CNIH3: variants seen among roughly 807,000 people sequenced by gnomAD.
CNIH3 encodes the protein cornichon family AMPA receptor auxiliary protein 3.
A neutral mutation model predicts 24.1 loss-of-function variants in CNIH3; 14 were observed. The ratio of observed to expected loss-of-function variants is 0.58; its 90% confidence interval spans 0.38 to 0.91. The LOEUF (loss-of-function observed/expected upper bound fraction) is 0.91, where lower values mean the gene tolerates loss of function less well. Among genes scored for constraint, CNIH3 ranks in the 40% least tolerant of loss-of-function variants. The pLI, the probability that CNIH3 is intolerant of heterozygous loss-of-function variation, is 0.00. For synonymous variants in CNIH3, 68 were observed against 73.8 expected, an observed-to-expected ratio of 0.92 and a Z score of 0.40; for missense variants, 178 against 196.8, an observed-to-expected ratio of 0.90 and a Z score of 0.57.
downstream of CNIH3, among the ~76,000 whole-genome samples, chr1:224,593,418 A>C (rs1419171133): frequency 1.3e-5 from 2 of 152,200 alleles, no homozygotes; most frequent in Non-Finnish European, 2.9e-5. Flanking sequence ...TCAGGTCATT[A>C]CTACTACACA....
chr1:224,654,921 A>G lies in CNIH3; in HGVS notation c.82-26037A>G, dbSNP rs6701223. On this transcript the variant is annotated intron_variant, in intron 1 of 5. Transcript: ENST00000272133. ...ATATCCAGAGTATTTAGGAAATGCA[A>G]CTTGACCTAACCTTCAGGTCTCTCT... 5.7e-3 allele frequency among the ~76,000 whole-genome samples: 861 copies of G among 152,326 alleles called. 14 individuals are homozygous for G. The highest frequency in any genetic ancestry group is 0.02 in the African/African-American group (811 of 41,572).
intron 1 of CNIH3, among the ~76,000 whole-genome samples, chr1:224,642,572 C>A (rs1684412750): frequency 2.0e-5 from 3 of 152,100 alleles, no homozygotes; most frequent in Admixed American, 1.3e-4. Context: ...GAAGCGGAGG[C>A]ACAGGGAGTA....
At chr1:224,719,183 T>C (rs1188201194) in intron 3 of CNIH3, 1 of 152,244 alleles carries the variant, frequency 6.6e-6, no homozygotes, top group African/African-American at 2.4e-5. Flanking sequence ...AACAATTTTA[T>C]GGAGAGAGAC....
chr1:224,505,517 C>T (rs1013399013), intron 1 of CNIH3, among the ~76,000 whole-genome samples: 1 of 152,104 alleles, frequency 6.6e-6, no homozygotes, highest in Non-Finnish European at 1.5e-5. Flanking sequence ...ATTTTTGCAT[C>T]ATGCTGAAAA....
At chr1:224,486,846 C>T (rs922372786) in intron 1 of CNIH3, among the ~76,000 whole-genome samples, 2 of 152,170 alleles carry the variant, frequency 1.3e-5, no homozygotes, top group East Asian at 1.9e-4. Flanking sequence ...ACAGTACTAA[C>T]GCAATAAGTG....
chr1:224,679,382 T>G (rs1484631179), intron 1 of CNIH3, among the ~76,000 whole-genome samples: 1 of 152,062 alleles, frequency 6.6e-6, no homozygotes, highest in African/African-American at 2.4e-5. Flanking sequence ...AACCAAAACA[T>G]TCTTAGCTCA....
Position 224,580,451 on chromosome 1 carries a change from T to A in CNIH3, n.517-2713T>A, listed in dbSNP as rs562358727. Among the ~76,000 whole-genome samples the A allele has an allele frequency of 5.3e-5, 8 of 152,208 alleles. 1 individual carries two copies. The highest frequency in any genetic ancestry group is 5.2e-4 in the Admixed American group (8 of 15,292). The stretch of plus-strand genomic sequence containing the variant: ...TAGCCTGTGCTTTTTCTGAAGAGGA[T>A]TTCAAGGGCTTCAATATTTAAAGCG... On this transcript the variant is annotated intron_variant and non_coding_transcript_variant, in intron 4 of 5. Coordinates refer to the CNIH3 transcript ENST00000471578.
At position 224,728,018 on chromosome 1, in the gene CNIH3, TC is replaced by T. The variant is rs746139705; in HGVS notation, c.199-2443del. Among the ~76,000 whole-genome samples, 38 of 152,106 alleles carry T rather than the reference TC, an allele frequency of 2.5e-4. No individual in the cohort carries two copies. In the East Asian group the frequency reaches 3.3e-3, roughly 13 times the overall value. On this transcript the variant is annotated intron_variant, in intron 3 of 5. Transcript: ENST00000272133. ...GGAAGGTTGCAGCCTCCACAATAAA[TC>T]AAGCCCCAAAGAGAGAAGAAGCAGT... is the stretch of plus-strand genomic sequence containing the variant.
chr1:224,500,890 G>A (rs1677628833), intron 1 of CNIH3, among the ~76,000 whole-genome samples: 1 of 152,054 alleles, frequency 6.6e-6, no homozygotes, highest in African/African-American at 2.4e-5. Context: ...TGCTAGGATG[G>A]AAGAAGGGGG....
intron 1 of CNIH3, among the ~76,000 whole-genome samples, chr1:224,623,348 G>T (rs556567695): frequency 2.6e-5 from 4 of 152,014 alleles, no homozygotes; most frequent in Non-Finnish European, 5.9e-5. Context: ...GTTTCCTGTC[G>T]CTCCTGTAGT....
intron 2 of CNIH3, among the ~76,000 whole-genome samples, chr1:224,524,754 T>G (rs1678778166): frequency 6.6e-6 from 1 of 152,232 alleles, no homozygotes; most frequent in African/African-American, 2.4e-5. Flanking sequence ...TTTCTTCCTC[T>G]TATGATAATA....
At chr1:224,606,042 G>T (rs955029662) in intron 3 of CNIH3, among the ~76,000 whole-genome samples, 2 of 152,226 alleles carry the variant, frequency 1.3e-5, no homozygotes, top group African/African-American at 2.4e-5. Context: ...AGGGGAACAT[G>T]TAGGTGAGTG....
chr1:224,444,546 C>T (rs1021845421), intron 1 of CNIH3, among the ~76,000 whole-genome samples: 36 of 151,982 alleles, frequency 2.4e-4, no homozygotes, highest in African/African-American at 6.8e-4. Context: ...GGCGGGGTTT[C>T]ACCATATTGG....
chr1:224,481,856 G>C (rs1676827000), intron 1 of CNIH3, among the ~76,000 whole-genome samples: 1 of 152,218 alleles, frequency 6.6e-6, no homozygotes, highest in African/African-American at 2.4e-5. Flanking sequence ...GTTCCCTTGG[G>C]CCTTGGATGG....
chr1:224,615,902 T>C (rs996346798), upstream of CNIH3, among the ~76,000 whole-genome samples: 2 of 152,030 alleles, frequency 1.3e-5, no homozygotes, highest in African/African-American at 4.8e-5. Context: ...CAACCAACAC[T>C]AGGCAACGCC....
rs1688832280 is a variant in CNIH3, at chr1:224,723,252, T to A, written c.199-7210T>A. 2.6e-5 allele frequency among the ~76,000 whole-genome samples: 4 copies of A among 152,042 alleles called. No homozygotes were observed. In the South Asian group the frequency reaches 8.3e-4, roughly 32 times the overall value. ...TGCTGATGTGTCAGGCACAGCTAAG[T>A]CCCAACAGGGGCCTCTGGGCCATCA... On this transcript the variant is annotated intron_variant, in intron 3 of 5. Transcript: ENST00000272133.
At chr1:224,503,636 C>A (rs1028228466) in intron 1 of CNIH3, among the ~76,000 whole-genome samples, 4 of 152,186 alleles carry the variant, frequency 2.6e-5, no homozygotes, top group South Asian at 4.1e-4. Context: ...CCTCACACAA[C>A]CCTGGCAACC....
intron 3 of CNIH3, among the ~76,000 whole-genome samples, chr1:224,694,845 C>G (rs540793756): frequency 7.3e-4 from 111 of 152,128 alleles, no homozygotes; most frequent in African/African-American, 2.5e-3. Flanking sequence ...GAATGGAAAT[C>G]CAAATATCAT....
chr1:224,538,830 A>AT (rs71574506), downstream of CNIH3, among the ~76,000 whole-genome samples: 2,880 of 124,144 alleles, frequency 0.023, 111 homozygotes, highest in African/African-American at 0.062. Context: ...AGCTAATTAC[A>AT]TTTTTTTTTT....
Sources: gnomAD v4.1 joint callset for allele counts (sites outside exome capture counted in the v4.1 genomes callset) on GRCh38, gnomAD v4.1.1 for gene constraint, MANE v1.5 for transcripts, NCBI Gene and HGNC (gene_info 2026-07-23, HGNC 2026-07-21) for gene names.